SCFD2: variants seen among roughly 807,000 people sequenced by gnomAD.
SCFD2 encodes sec1 family domain containing 2, also known as sec1 family domain-containing protein 2.
In SCFD2, 54 loss-of-function variants were observed where a neutral mutation model predicts 58.9. That is an observed-to-expected ratio of 0.92 (90% CI 0.74 to 1.15). SCFD2 has a LOEUF of 1.15. Among genes scored for constraint, SCFD2 ranks in the 50% most tolerant of loss-of-function variants. SCFD2 has a pLI of 0.00. For missense variants in SCFD2, 805 were observed against 836.6 expected (o/e 0.96, Z 0.47); for synonymous variants, 321 against 335.9 (o/e 0.96, Z 0.49).
chr4:53,044,889 T>TACCCCCC, intron 5 of SCFD2, among the ~76,000 whole-genome samples: 1 of 38,300 alleles, frequency 2.6e-5, no homozygotes, highest in African/African-American at 1.8e-4. Flanking sequence ...CCACCCCAAT[T>TACCCCCC]CCCACCTCCA....
chr4:52,901,047 T>C (rs1719185055), intron 7 of SCFD2, among the ~76,000 whole-genome samples: 1 of 152,222 alleles, frequency 6.6e-6, no homozygotes, highest in South Asian at 2.1e-4. Context: ...CTGTCACCCC[T>C]TTCTTTGACT....
intron 5 of SCFD2, among the ~76,000 whole-genome samples, chr4:53,129,459 C>T (rs1443964784): frequency 1.3e-5 from 2 of 152,178 alleles, no homozygotes; most frequent in Non-Finnish European, 2.9e-5. Context: ...TCAATATCAG[C>T]ATGGTTGCAC....
chr4:53,350,884 A>G (rs1380683050), intron 2 of SCFD2, among the ~76,000 whole-genome samples: 1 of 151,994 alleles, frequency 6.6e-6, no homozygotes, highest in African/African-American at 2.4e-5. Context: ...TAATTTTTGT[A>G]TTTTTAGTAG....
intron 7 of SCFD2, among the ~76,000 whole-genome samples, chr4:52,896,628 T>A (rs917447889): frequency 2.0e-5 from 3 of 152,254 alleles, no homozygotes; most frequent in African/African-American, 4.8e-5. Context: ...GGCTTAGGAT[T>A]GACTTGGCGA....
chr4:53,061,696 T>C (rs1723518172), intron 5 of SCFD2, among the ~76,000 whole-genome samples: 1 of 152,150 alleles, frequency 6.6e-6, no homozygotes, highest in Non-Finnish European at 1.5e-5. Flanking sequence ...AACATCACCC[T>C]ATGTGTGAAG....
chr4:52,927,175 C>G (rs945995731), intron 5 of SCFD2, among the ~76,000 whole-genome samples: 1 of 152,248 alleles, frequency 6.6e-6, no homozygotes, highest in East Asian at 1.9e-4. Context: ...ATCAATCTCT[C>G]TCTTACAAAC....
chr4:52,900,780 G>A (rs1220583900), intron 7 of SCFD2, among the ~76,000 whole-genome samples: 1 of 152,228 alleles, frequency 6.6e-6, no homozygotes. Flanking sequence ...GAGCTGTGGT[G>A]GGCTCCTCCC....
intron 5 of SCFD2, among the ~76,000 whole-genome samples, chr4:53,075,512 C>A (rs865930583): frequency 3.9e-5 from 6 of 152,186 alleles, no homozygotes; most frequent in South Asian, 2.1e-4. Flanking sequence ...GACATGTGTT[C>A]TTCACCAAGC....
chr4:53,122,642 G>A (rs1232215310), intron 5 of SCFD2, among the ~76,000 whole-genome samples: 1 of 152,134 alleles, frequency 6.6e-6, no homozygotes, highest in East Asian at 1.9e-4. Flanking sequence ...CTCCAGATGG[G>A]CCTACATTTG....
Position 53,106,195 on chromosome 4 carries a change from A to G in SCFD2, c.1561+39138T>C, listed in dbSNP as rs577980383. On this transcript the variant is annotated intron_variant, in intron 5 of 8. Coordinates refer to ENST00000401642, the MANE Select transcript of SCFD2 (RefSeq NM_152540.4). ...ATCAACATCAACAAAAAGGATGTCCACACAAAAACCCGATCTGAAGGTCAC... is the reference window on the plus strand; with the variant it reads ...ATCAACATCAACAAAAAGGATGTCCGCACAAAAACCCGATCTGAAGGTCAC... 3.3e-5 allele frequency among the ~76,000 whole-genome samples: 5 copies of G among 152,340 alleles called. No individual in the cohort carries two copies. In the South Asian group the frequency reaches 1.0e-3, roughly 32 times the overall value.
chr4:53,084,111 C>G (rs1171983659), intron 5 of SCFD2, among the ~76,000 whole-genome samples: 3 of 152,108 alleles, frequency 2.0e-5, no homozygotes, highest in African/African-American at 7.2e-5. Flanking sequence ...AGTTTTTCCC[C>G]ACCCTAGTAA....
At position 53,075,995 on chromosome 4, in the gene SCFD2, C is replaced by T. The variant is rs562229505; in HGVS notation, c.1561+69338G>A. On this transcript the variant is annotated intron_variant, in intron 5 of 8. Coordinates refer to ENST00000401642, the MANE Select transcript of SCFD2 (RefSeq NM_152540.4). ...CAAAAAATGCAATATGTGCACAGTG[C>T]AATAAAGTGAAGCTCCATAAAACAA... Among the ~76,000 whole-genome samples the T allele has an allele frequency of 3.4e-3, 522 of 152,148 alleles. 1 individual carries two copies. The highest frequency in any genetic ancestry group is 5.8e-3 in the Non-Finnish European group (393 of 67,976).
At chr4:53,254,668 C>A (rs1277211212) in intron 4 of SCFD2, among the ~76,000 whole-genome samples, 1 of 151,340 alleles carries the variant, frequency 6.6e-6, no homozygotes, top group Non-Finnish European at 1.5e-5. Flanking sequence ...CAGTGCTGAC[C>A]ATTTCTCTTA....
chr4:52,887,936 C>T (rs1718779876), intron 7 of SCFD2, among the ~76,000 whole-genome samples: 1 of 130,156 alleles, frequency 7.7e-6, no homozygotes, highest in African/African-American at 3.1e-5. Flanking sequence ...CGGAGTCTCG[C>T]TCTGTCGCCC....
At chr4:53,011,794 A>G (rs2148807769) in intron 5 of SCFD2, among the ~76,000 whole-genome samples, 1 of 152,318 alleles carries the variant, frequency 6.6e-6, no homozygotes. Flanking sequence ...GTGAATTGTC[A>G]GTGACAACCT....
chr4:52,948,772 C>T, intron 5 of SCFD2: 1 of 247,574 alleles, frequency 4.0e-6, no homozygotes. Flanking sequence ...TGGGGGTGGA[C>T]AGGCTAGATT....
rs865887076 is a variant in SCFD2 at position 52,873,030 on chromosome 4, T to C, written c.*939A>G. 1 of 152,236 alleles carries C rather than the reference T, an allele frequency of 6.6e-6. No homozygotes were observed. Among genetic ancestry groups the C allele is most frequent in the Non-Finnish European group, 1.5e-5 (1 of 68,048 alleles). 9.4% of individuals were successfully genotyped at this position (152,236 alleles called of 1,614,324 possible). On this transcript the variant is annotated 3_prime_UTR_variant, in exon 9 of 9. Transcript: ENST00000401642. Reference sequence around the variant, plus strand: ...CCAACATGGATGCCAGAAACTTCCATCGACCATACACCTACAAACATGTGG... The same window carrying C: ...CCAACATGGATGCCAGAAACTTCCACCGACCATACACCTACAAACATGTGG...
intron 3 of SCFD2, among the ~76,000 whole-genome samples, 155 bp from the exon 4 acceptor site, chr4:53,274,156 G>A (rs1731260814): frequency 6.6e-6 from 1 of 152,180 alleles, no homozygotes; most frequent in Non-Finnish European, 1.5e-5. Context: ...CAACTATATA[G>A]TGACAAGAGC....
intron 4 of SCFD2, among the ~76,000 whole-genome samples, chr4:53,197,777 A>G (rs2148964164): frequency 6.7e-6 from 1 of 149,394 alleles, no homozygotes; most frequent in South Asian, 2.1e-4. Flanking sequence ...AGAAATGAAT[A>G]TTTCATCTTG....
Sources: gnomAD v4.1 joint callset for allele counts (sites outside exome capture counted in the v4.1 genomes callset) on GRCh38, gnomAD v4.1.1 for gene constraint, MANE v1.5 for transcripts, NCBI Gene and HGNC (gene_info 2026-07-23, HGNC 2026-07-21) for gene names.